UBA6: variants seen among roughly 807,000 people sequenced by gnomAD.
UBA6 encodes the protein ubiquitin like modifier activating enzyme 6, also known as ubiquitin-like modifier-activating enzyme 6.
UBA6 carries 87 observed loss-of-function variants against 148.3 expected under a neutral mutation model. The observed-to-expected ratio is 0.59, with a 90% CI of 0.49 to 0.70. The LOEUF is 0.70. UBA6 is among the 30% of genes least tolerant of loss of function. The pLI, the probability that UBA6 is intolerant of heterozygous loss-of-function variation, is 0.00. For synonymous variants in UBA6, 376 were observed against 401.0 expected (o/e 0.94, Z 0.75); for missense variants, 1,186 against 1,241.2 (o/e 0.96, Z 0.67).
chr4:67,684,734 A>G (rs1355756663), intron 2 of UBA6, among the ~76,000 whole-genome samples: 1 of 152,228 alleles, frequency 6.6e-6, no homozygotes, highest in African/African-American at 2.4e-5. Flanking sequence ...TACTAAAAGC[A>G]ACATTTCAAA....
At chr4:67,662,963 CA>C (rs1473852549) in intron 12 of UBA6, 175 bp downstream of exon 12, 4 of 428,980 alleles carry the variant, frequency 9.3e-6, no homozygotes, top group Non-Finnish European at 1.7e-5. Flanking sequence ...TTTTATAAAC[CA>C]AATTTCTCCA....
intron 1 of UBA6, among the ~76,000 whole-genome samples, chr4:67,697,844 AAC>A (rs1371806113): frequency 1.3e-5 from 2 of 152,206 alleles, no homozygotes; most frequent in Non-Finnish European, 2.9e-5. Flanking sequence ...TTCTCCATAA[AAC>A]AGTCTAAATA....
At chr4:67,696,812 CAT>C (rs954614676) in intron 1 of UBA6, 105 bp from the exon 2 acceptor site, 2 of 805,348 alleles carry the variant, frequency 2.5e-6, no homozygotes, top group Non-Finnish European at 2.0e-6. Context: ...ACAAACCAAA[CAT>C]ATATTTTATT....
rs185767779 is a variant in UBA6, at chr4:67,671,154, A to G, written c.547-562T>C. Among the ~76,000 whole-genome samples, 9 of 152,292 alleles carry G rather than the reference A, an allele frequency of 5.9e-5. No individual in the cohort carries two copies. The East Asian group carries it at 1.7e-3, about 29-fold the overall frequency. On this transcript the variant is annotated intron_variant, in intron 7 of 32. Coordinates refer to ENST00000322244, the MANE Select transcript of UBA6 (RefSeq NM_018227.6). ...ATGTTTTATTAAAAGCAATTTTTCTAACACATGCATTGTCTCCATTCTGAG... is the reference window on the plus strand; with the variant it reads ...ATGTTTTATTAAAAGCAATTTTTCTGACACATGCATTGTCTCCATTCTGAG...
intron 7 of UBA6, among the ~76,000 whole-genome samples, chr4:67,671,996 T>C (rs1055802007): frequency 2.0e-5 from 3 of 151,376 alleles, no homozygotes; most frequent in Non-Finnish European, 4.4e-5. Flanking sequence ...CCCCACCTTT[T>C]TTTTAAACAA....
intron 4 of UBA6, among the ~76,000 whole-genome samples, chr4:67,681,353 C>T (rs556801261): frequency 1.1e-4 from 16 of 152,062 alleles, no homozygotes; most frequent in African/African-American, 3.4e-4. Flanking sequence ...ACAAATGTCC[C>T]CAAGAGTTGG....
At chr4:67,657,640 CA>C (rs1339315972) in intron 13 of UBA6, among the ~76,000 whole-genome samples, 1 of 151,838 alleles carries the variant, frequency 6.6e-6, no homozygotes, top group Non-Finnish European at 1.5e-5. Flanking sequence ...ACTAAAACAC[CA>C]AAAGCAATGG....
intron 14 of UBA6, 37 bp downstream of exon 14, chr4:67,649,031 C>G: frequency 6.3e-7 from 1 of 1,594,944 alleles, no homozygotes; most frequent in Non-Finnish European, 8.5e-7. Context: ...TTCCATTTCA[C>G]GAGTAAAGAA....
intron 2 of UBA6, among the ~76,000 whole-genome samples, chr4:67,686,942 A>T: frequency 8.7e-6 from 1 of 114,766 alleles, no homozygotes; most frequent in South Asian, 3.3e-4. Context: ...CAACAGCAAG[A>T]TCCTGTCTCT....
Position 67,623,123 on chromosome 4 carries a change from A to G in UBA6, c.2928+12T>C, listed in dbSNP as rs528191582. On this transcript the variant is annotated intron_variant, in intron 31 of 32. Transcript: ENST00000322244. ...AAGCTACTAATGAACTAAATGAACA[A>G]AAGTATCTCACTTTGACTGCATTTA... is the stretch of plus-strand genomic sequence containing the variant. 4 of 1,599,062 alleles carry G rather than the reference A, an allele frequency of 2.5e-6. No homozygotes were observed. In the African/African-American group the frequency reaches 4.0e-5, roughly 16 times the overall value.
Position 67,633,388 on chromosome 4 carries a change from A to G in UBA6, c.2099T>C (p.Val700Ala). ...SRRPRNWSQC[V>A]ELARLKFEKY... ...TTCAAACTTTAATCTTGCTAATTCT[A>G]CACACTGGGACCAATTTCTAGGTCT... Residue 700 changes from valine (V) to alanine (A), a missense_variant, in exon 23 of 33, where the codon GTA (valine) becomes GCA (alanine). By Grantham distance (64) the Val-to-Ala change is moderately conservative (BLOSUM62 0). Transcript: ENST00000322244. 1 of 1,609,080 alleles carries G rather than the reference A, an allele frequency of 6.2e-7. No individual in the cohort carries two copies. Among genetic ancestry groups the G allele is most frequent in the Non-Finnish European group, 8.5e-7 (1 of 1,178,646 alleles).
At chr4:67,651,442 A>G (rs1179730642) in intron 13 of UBA6, among the ~76,000 whole-genome samples, 2 of 152,226 alleles carry the variant, frequency 1.3e-5, no homozygotes, top group East Asian at 3.8e-4. Flanking sequence ...GACAAAGATT[A>G]AACACATAGG....
intron 9 of UBA6, 69 bp from the exon 10 acceptor site, chr4:67,665,361 C>CA: frequency 2.9e-5 from 26 of 882,178 alleles, no homozygotes; most frequent in Non-Finnish European, 4.5e-5. Context: ...CTCTTATTGT[C>CA]ATAAGAGGTT....
chr4:67,675,407 C>G (rs1730255433), intron 6 of UBA6, among the ~76,000 whole-genome samples: 2 of 152,112 alleles, frequency 1.3e-5, no homozygotes, highest in South Asian at 4.1e-4. Context: ...ATTTTATAAT[C>G]TTTCTCAAAT....
chr4:67,635,634 C>G (rs1403517908), intron 19 of UBA6, 76 bp from the exon 20 acceptor site: 45 of 846,702 alleles, frequency 5.3e-5, no homozygotes, highest in Non-Finnish European at 4.0e-6. Context: ...CTACAACTTT[C>G]TATTGACCAT....
At chr4:67,623,279 G>GAC (rs1553904479) in intron 30 of UBA6, 57 bp from the exon 31 acceptor site, 26 of 1,327,054 alleles carry the variant, frequency 2.0e-5, no homozygotes, top group South Asian at 3.7e-5. Flanking sequence ...TTTTAGTGAT[G>GAC]ACACACACAC....
At chr4:67,699,606 TTTC>T (rs1455486992) in intron 1 of UBA6, among the ~76,000 whole-genome samples, 1 of 152,144 alleles carries the variant, frequency 6.6e-6, no homozygotes, top group Non-Finnish European at 1.5e-5. Flanking sequence ...ATTTGTTTCT[TTTC>T]TTTTTTTTTG....
At chr4:67,641,099 ACT>A (rs1025282842) in intron 18 of UBA6, 50 bp downstream of exon 18, 3 of 1,122,442 alleles carry the variant, frequency 2.7e-6, no homozygotes, top group Admixed American at 2.5e-5. Context: ...TTAAAAGGAA[ACT>A]CTTTTTTGTA....
intron 19 of UBA6, among the ~76,000 whole-genome samples, chr4:67,636,817 G>A (rs1414400990): frequency 2.7e-5 from 4 of 150,662 alleles, no homozygotes; most frequent in East Asian, 2.0e-4. Context: ...CCGCCACCCC[G>A]TCTGGGAAGT....
Sources: gnomAD v4.1 joint callset for allele counts (sites outside exome capture counted in the v4.1 genomes callset) on GRCh38, gnomAD v4.1.1 for gene constraint, MANE v1.5 for transcripts, NCBI Gene and HGNC (gene_info 2026-07-23, HGNC 2026-07-21) for gene names.